GCNT2: variants seen among roughly 807,000 people sequenced by gnomAD.
GCNT2 encodes N-acetyllactosaminide beta-1,6-N-acetylglucosaminyl-transferase.
Under a neutral mutation model 34.2 loss-of-function variants are expected in GCNT2, and 34 were observed. The observed-to-expected ratio is 1.00, with a 90% CI of 0.76 to 1.32. The LOEUF (loss-of-function observed/expected upper bound fraction) is 1.32. Ranked by LOEUF, GCNT2 falls within the 40% of genes most tolerant of loss-of-function variation. The probability of loss-of-function intolerance (pLI) is 0.00; values close to 1 mark genes in which losing one functional copy is unlikely to be tolerated. For missense variants in GCNT2, 584 were observed against 489.4 expected (o/e 1.19, Z -1.82); for synonymous variants, 212 against 188.0 (o/e 1.13, Z -1.04).
In GCNT2 at chr6:10,627,970, G is replaced by GT. The variant is rs1766340187; in HGVS notation, c.*1364dup. 1 of 152,558 alleles carries GT rather than the reference G, an allele frequency of 6.6e-6. No individual in the cohort carries two copies. The highest frequency in any genetic ancestry group is 2.1e-4 in the South Asian group (1 of 4,824). 9.5% of individuals were successfully genotyped at this position (152,558 alleles called of 1,614,324 possible). On this transcript the variant is annotated 3_prime_UTR_variant, in exon 5 of 5. Coordinates refer to ENST00000495262, the MANE Select transcript of GCNT2 (RefSeq NM_145649.5). ...TTCATTCAAACCTCACAACAGTCTTGTGAGGCCCTTATATAATTACTCCCA... is the reference window on the plus strand; with the variant it reads ...TTCATTCAAACCTCACAACAGTCTTGTTGAGGCCCTTATATAATTACTCCCA...
intron 3 of GCNT2, among the ~76,000 whole-genome samples, chr6:10,551,369 G>T (rs1762469834): frequency 6.7e-6 from 1 of 150,138 alleles, no homozygotes; most frequent in South Asian, 2.1e-4. Context: ...TTAAAATTCT[G>T]CATGTTAAAC....
intron 3 of GCNT2, among the ~76,000 whole-genome samples, chr6:10,591,813 TAGAA>T (rs1472911731): frequency 6.6e-6 from 1 of 152,136 alleles, no homozygotes; most frequent in Non-Finnish European, 1.5e-5. Context: ...GAGACAACAA[TAGAA>T]AGAAACTCAA....
intron 3 of GCNT2, among the ~76,000 whole-genome samples, chr6:10,540,232 G>A (rs1761978347): frequency 6.6e-6 from 1 of 152,168 alleles, no homozygotes; most frequent in Non-Finnish European, 1.5e-5. Context: ...TCACCTGTCT[G>A]TAGTCTTGTA....
chr6:10,530,793 A>C lies in GCNT2; in HGVS notation c.925+957A>C, dbSNP rs533937422. Among the ~76,000 whole-genome samples the C allele has an allele frequency of 2.6e-5, 4 of 152,100 alleles. No individual in the cohort carries two copies. In the South Asian group the frequency reaches 8.3e-4, roughly 32 times the overall value. On this transcript the variant is annotated intron_variant, in intron 3 of 4. Transcript: ENST00000495262. ...TTCTAGGCTGAGCGCAGTGGCTCAC[A>C]CCTGTAATCCCAGCACTTTGGGAGG...
At chr6:10,624,666 A>G (rs1032700229) in intron 4 of GCNT2, among the ~76,000 whole-genome samples, 4 of 152,212 alleles carry the variant, frequency 2.6e-5, no homozygotes, top group Admixed American at 1.3e-4. Context: ...TATGTGATCA[A>G]AATTCATCAT....
intron 3 of GCNT2, among the ~76,000 whole-genome samples, chr6:10,552,416 C>T (rs542809809): frequency 6.6e-6 from 1 of 152,124 alleles, no homozygotes; most frequent in East Asian, 1.9e-4. Flanking sequence ...ACTCTGTTTC[C>T]CCAGATCCTG....
At chr6:10,612,082 G>T (rs1273451552) in intron 3 of GCNT2, among the ~76,000 whole-genome samples, 1 of 151,886 alleles carries the variant, frequency 6.6e-6, no homozygotes, top group Non-Finnish European at 1.5e-5. Context: ...TGCCTCCTGG[G>T]TTGGAGCAAT....
At chr6:10,553,782 T>C (rs1561794680) in intron 3 of GCNT2, among the ~76,000 whole-genome samples, 1 of 152,176 alleles carries the variant, frequency 6.6e-6, no homozygotes, top group Non-Finnish European at 1.5e-5. Context: ...TAATCCCAGC[T>C]ACTTGTGAGG....
At chr6:10,541,165 C>G (rs1002255178) in intron 3 of GCNT2, among the ~76,000 whole-genome samples, 2 of 152,122 alleles carry the variant, frequency 1.3e-5, no homozygotes, top group Non-Finnish European at 2.9e-5. Context: ...GATGCTTTCC[C>G]TCTGCCAACG....
At chr6:10,591,538 G>A (rs1487796306) in intron 3 of GCNT2, among the ~76,000 whole-genome samples, 2 of 152,216 alleles carry the variant, frequency 1.3e-5, no homozygotes, top group African/African-American at 4.8e-5. Context: ...CAGCCAACCT[G>A]GGCCCATGAT....
At chr6:10,533,552 C>T (rs1761598415) in intron 3 of GCNT2, among the ~76,000 whole-genome samples, 1 of 151,864 alleles carries the variant, frequency 6.6e-6, no homozygotes. Flanking sequence ...CTTTGGGGAG[C>T]CGAGGTGGGC....
At chr6:10,558,527 A>G (rs1397883396) in intron 3 of GCNT2, among the ~76,000 whole-genome samples, 1 of 152,200 alleles carries the variant, frequency 6.6e-6, no homozygotes, top group African/African-American at 2.4e-5. Flanking sequence ...ATTGTTTTTT[A>G]AAGTGTATAA....
intron 3 of GCNT2, among the ~76,000 whole-genome samples, chr6:10,574,565 A>G (rs1017656958): frequency 2.6e-5 from 4 of 152,206 alleles, no homozygotes; most frequent in African/African-American, 9.6e-5. Flanking sequence ...GTGATTGTAA[A>G]GATCCCAAAA....
chr6:10,548,342 C>T (rs1762351546), intron 3 of GCNT2, among the ~76,000 whole-genome samples: 1 of 152,210 alleles, frequency 6.6e-6, no homozygotes, highest in Non-Finnish European at 1.5e-5. Context: ...ATTCCTGGGC[C>T]TCCCAGAAAG....
rs137864542 is a variant in GCNT2, at chr6:10,586,811, C to T, written c.926-34540C>T. On this transcript the variant is annotated intron_variant, in intron 3 of 4. Coordinates refer to ENST00000495262, the MANE Select transcript of GCNT2 (RefSeq NM_145649.5). The stretch of plus-strand genomic sequence containing the variant: ...ATGTGGCGCTTACCAGAGACTTTGT[C>T]GACTTTGTTCTACGTGACCAAAGGG... 1.8e-4 allele frequency: 295 copies of T among 1,613,526 alleles called. No individual in the cohort carries two copies. Among genetic ancestry groups the T allele is most frequent in the Non-Finnish European group, 2.3e-4 (271 of 1,179,486 alleles).
intron 3 of GCNT2, among the ~76,000 whole-genome samples, chr6:10,532,704 A>G (rs1241810894): frequency 6.6e-6 from 1 of 152,158 alleles, no homozygotes; most frequent in East Asian, 1.9e-4. Flanking sequence ...CCTGGGCCCA[A>G]GCGATCCTCC....
intron 3 of GCNT2, among the ~76,000 whole-genome samples, chr6:10,542,763 G>A (rs1762091960): frequency 6.6e-6 from 1 of 152,028 alleles, no homozygotes; most frequent in Non-Finnish European, 1.5e-5. Context: ...GGACATTTGG[G>A]TTGCTTCTAC....
chr6:10,542,877 G>C (rs1762095945), intron 3 of GCNT2, among the ~76,000 whole-genome samples: 1 of 146,488 alleles, frequency 6.8e-6, no homozygotes, highest in African/African-American at 2.6e-5. Flanking sequence ...TGAAACTGCT[G>C]GTCCCTATGT....
chr6:10,569,655 T>G (rs916772486), intron 3 of GCNT2, among the ~76,000 whole-genome samples: 8 of 152,196 alleles, frequency 5.3e-5, no homozygotes, highest in Non-Finnish European at 1.0e-4. Context: ...AGGCTGTTCT[T>G]CAACCCAAGG....
Sources: gnomAD v4.1 joint callset for allele counts (sites outside exome capture counted in the v4.1 genomes callset) on GRCh38, gnomAD v4.1.1 for gene constraint, MANE v1.5 for transcripts, NCBI Gene and HGNC (gene_info 2026-07-23, HGNC 2026-07-21) for gene names.